The following CDK14 variants were observed in gnomAD, a reference collection of about 807,000 sequenced individuals.
The protein encoded by CDK14 is cyclin-dependent kinase 14.
Under a neutral mutation model 60.7 loss-of-function variants are expected in CDK14, and 34 were observed. The observed-to-expected ratio is 0.56, with a 90% CI of 0.43 to 0.75. The LOEUF (loss-of-function observed/expected upper bound fraction) is 0.75, where lower values mean the gene tolerates loss of function less well. Among genes scored for constraint, CDK14 ranks in the 30% least tolerant of loss-of-function variants. The pLI, the probability that CDK14 is intolerant of heterozygous loss-of-function variation, is 0.00. For synonymous variants in CDK14, 197 were observed against 203.7 expected (o/e 0.97, Z 0.28); for missense variants, 482 against 564.1 (o/e 0.85, Z 1.47).
intron 12 of CDK14, among the ~76,000 whole-genome samples, chr7:91,080,257 C>T (rs199523226): frequency 2.0e-5 from 3 of 151,822 alleles, no homozygotes; most frequent in Non-Finnish European, 2.9e-5. Context: ...ACTGTTATCA[C>T]GTTTAATTTT....
intron 2 of CDK14, among the ~76,000 whole-genome samples, chr7:90,695,934 C>A (rs1400689043): frequency 1.3e-5 from 2 of 152,030 alleles, no homozygotes; most frequent in Admixed American, 1.3e-4. Flanking sequence ...GCTCTTTGAG[C>A]TTTTGAGCAG....
intron 12 of CDK14, among the ~76,000 whole-genome samples, chr7:91,083,780 G>A (rs926574795): frequency 2.6e-5 from 4 of 152,274 alleles, no homozygotes; most frequent in African/African-American, 9.6e-5. Context: ...CCTTGGAAAA[G>A]ACAATAAAGA....
intron 11 of CDK14, among the ~76,000 whole-genome samples, chr7:91,076,314 G>T (rs1260100921): frequency 7.3e-6 from 1 of 136,818 alleles, no homozygotes; most frequent in Non-Finnish European, 1.6e-5. Context: ...ACAGACCAAT[G>T]GAATGGAACA....
chr7:91,109,862 G>A (rs1007912287), intron 12 of CDK14, among the ~76,000 whole-genome samples: 1 of 152,052 alleles, frequency 6.6e-6, no homozygotes, highest in African/African-American at 2.4e-5. Flanking sequence ...GAAAGATAAA[G>A]AGTGTCATGA....
At chr7:91,068,910 G>A (rs1374026274) in intron 11 of CDK14, among the ~76,000 whole-genome samples, 1 of 150,186 alleles carries the variant, frequency 6.7e-6, no homozygotes, top group Non-Finnish European at 1.5e-5. Flanking sequence ...TCTCTCCTGG[G>A]TTCTATGTCA....
At chr7:90,687,921 G>C (rs1801472745) in intron 2 of CDK14, among the ~76,000 whole-genome samples, 2 of 152,180 alleles carry the variant, frequency 1.3e-5, no homozygotes, top group Non-Finnish European at 2.9e-5. Context: ...AACAGTTGCT[G>C]CAGCTGAAAG....
intron 2 of CDK14, among the ~76,000 whole-genome samples, chr7:90,723,367 A>C (rs550489344): frequency 1.3e-5 from 2 of 152,298 alleles, no homozygotes; most frequent in South Asian, 4.1e-4. Context: ...CCAGTCAAGC[A>C]GGAAGCTGGA....
intron 5 of CDK14, among the ~76,000 whole-genome samples, chr7:90,857,124 A>C (rs1790848128): frequency 6.6e-6 from 1 of 152,012 alleles, no homozygotes; most frequent in South Asian, 2.1e-4. Context: ...GGAAAAAAAA[A>C]ACACACCACT....
chr7:90,774,487 AT>A (rs1288702165), intron 4 of CDK14, among the ~76,000 whole-genome samples: 1 of 152,112 alleles, frequency 6.6e-6, no homozygotes, highest in Non-Finnish European at 1.5e-5. Context: ...CTTTTTTGTC[AT>A]AAAAGCCTTA....
rs535464732 is a variant in CDK14, at chr7:91,127,665, ACTT to A, written c.*28+9461_*28+9463del. 4.0e-3 allele frequency among the ~76,000 whole-genome samples: 611 copies of A among 152,072 alleles called. 2 individuals carry two copies. The highest frequency in any genetic ancestry group is 0.014 in the African/African-American group (577 of 41,498). ...ATTTTGGTACAATGTTAAAATTTTA[ACTT>A]CTTTTTTTTTAAAGGAGAAGTTCTC... On this transcript the variant is annotated intron_variant, in intron 14 of 14. Transcript: ENST00000380050.
At chr7:91,193,300 A>C (rs984277928) in intron 14 of CDK14, among the ~76,000 whole-genome samples, 8 of 152,202 alleles carry the variant, frequency 5.3e-5, no homozygotes, top group African/African-American at 1.9e-4. Flanking sequence ...TGTATGAAAA[A>C]AATCTGCATG....
At chr7:90,814,097 A>C (rs1171590506) in intron 5 of CDK14, among the ~76,000 whole-genome samples, 1 of 152,196 alleles carries the variant, frequency 6.6e-6, no homozygotes, top group East Asian at 1.9e-4. Flanking sequence ...TTGACTCTAA[A>C]CTTCTGTAAC....
In CDK14 at chr7:90,923,941, T is replaced by C. The variant is rs76860582; in HGVS notation, c.826+6217T>C. Among the ~76,000 whole-genome samples the C allele has an allele frequency of 5.5e-3, 835 of 152,346 alleles. 3 individuals carry two copies. Among genetic ancestry groups the C allele is most frequent in the African/African-American group, 0.017 (721 of 41,574 alleles). ...AACACAGTGGAAGAATTAATAGGTG[T>C]TGTTAACAGTAGTAACACTGAAATG... On this transcript the variant is annotated intron_variant, in intron 8 of 14. Coordinates refer to ENST00000380050, the MANE Select transcript of CDK14 (RefSeq NM_001287135.2).
chr7:91,054,608 G>C (rs1057156063), intron 11 of CDK14, among the ~76,000 whole-genome samples: 1 of 152,210 alleles, frequency 6.6e-6, no homozygotes, highest in African/African-American at 2.4e-5. Flanking sequence ...GAGAGCAGAT[G>C]CTAAAGTTGA....
intron 14 of CDK14, among the ~76,000 whole-genome samples, chr7:91,128,881 A>G (rs986631942): frequency 1.3e-5 from 2 of 152,058 alleles, no homozygotes; most frequent in Non-Finnish European, 2.9e-5. Context: ...ATTCTTCTCA[A>G]TCCATCTCCT....
At chr7:91,047,213 G>A (rs1797265741) in intron 11 of CDK14, among the ~76,000 whole-genome samples, 1 of 152,074 alleles carries the variant, frequency 6.6e-6, no homozygotes, top group Admixed American at 6.5e-5. Flanking sequence ...CCCTGTGTTA[G>A]GACCTAAAAT....
At chr7:90,784,528 A>G in intron 4 of CDK14, among the ~76,000 whole-genome samples, 1 of 152,150 alleles carries the variant, frequency 6.6e-6, no homozygotes, top group Admixed American at 6.5e-5. Context: ...TGTACCCTGT[A>G]AATATGTACA....
rs560919951 is a variant in CDK14, at chr7:90,698,293, C to T, written c.124-28274C>T. ...TTTCCTGCTAATTGCAATGATAGCA[C>T]AATAATGAATTCTACCTATAAATTA... On this transcript the variant is annotated intron_variant, in intron 2 of 14. Transcript: ENST00000380050. Among the ~76,000 whole-genome samples, 5 of 152,072 alleles carry T rather than the reference C, an allele frequency of 3.3e-5. No individual in the cohort carries two copies. The East Asian group carries it at 7.7e-4, about 24-fold the overall frequency.
At chr7:90,800,512 C>G (rs1788599109) in intron 5 of CDK14, among the ~76,000 whole-genome samples, 1 of 151,668 alleles carries the variant, frequency 6.6e-6, no homozygotes, top group Non-Finnish European at 1.5e-5. Context: ...TTGACTGATA[C>G]TTGATTCTCT....
Sources: allele counts gnomAD v4.1 joint callset (sites outside exome capture counted in the v4.1 genomes callset), GRCh38; gene constraint gnomAD v4.1.1; transcripts MANE v1.5; gene names NCBI Gene and HGNC (gene_info 2026-07-23, HGNC 2026-07-21).